The following LINGO2 variants were observed in gnomAD, a reference collection of about 807,000 sequenced individuals.
LINGO2 encodes leucine-rich repeat and immunoglobulin-like domain-containing nogo receptor-interacting protein 2.
In LINGO2, 14 loss-of-function variants were observed where a neutral mutation model predicts 30.6. The ratio of observed to expected loss-of-function variants is 0.46; its 90% CI spans 0.30 to 0.72. The LOEUF (loss-of-function observed/expected upper bound fraction) is 0.72. Among genes scored for constraint, LINGO2 ranks in the 30% least tolerant of loss-of-function variants. The pLI is 0.07. For missense variants in LINGO2, 729 were observed against 751.7 expected, an observed-to-expected ratio of 0.97 and a Z score of 0.35; for synonymous variants, 317 against 288.5, an observed-to-expected ratio of 1.10 and a Z score of -1.00.
chr9:27,954,754 C>T (rs141983543), intron 5 of LINGO2, among the ~76,000 whole-genome samples: 40 of 152,252 alleles, frequency 2.6e-4, no homozygotes, highest in African/African-American at 9.1e-4. Context: ...GTTTAATGGA[C>T]TTACAGTCCC....
the LINGO2 span, among the ~76,000 whole-genome samples, chr9:29,032,332 C>G: frequency 3.9e-5 from 6 of 152,094 alleles, no homozygotes; most frequent in Non-Finnish European, 8.8e-5. Flanking sequence ...GGAGGGTCAT[C>G]CCACCTTTCT....
At chr9:28,970,016 G>A in the LINGO2 span, among the ~76,000 whole-genome samples, 1,079 of 152,078 alleles carry the variant, frequency 7.1e-3, 10 homozygotes, top group Non-Finnish European at 0.01. Context: ...CATATACTTC[G>A]GATTTCTGAC....
chr9:28,929,656 C>T, the LINGO2 span, among the ~76,000 whole-genome samples: 3 of 152,132 alleles, frequency 2.0e-5, no homozygotes, highest in East Asian at 5.8e-4. Context: ...CATTTCTTTC[C>T]CCCATGACAT....
chr9:28,149,191 G>A, intron 4 of LINGO2: 1 of 1,256,068 alleles, frequency 8.0e-7, no homozygotes, highest in Non-Finnish European at 1.1e-6. Context: ...TGCTTAGGAG[G>A]AGAAAGAAGA....
At chr9:28,994,199 T>C in the LINGO2 span, among the ~76,000 whole-genome samples, 1 of 152,088 alleles carries the variant, frequency 6.6e-6, no homozygotes, top group African/African-American at 2.4e-5. Context: ...TGTACAAAAA[T>C]CACAAGCATT....
chr9:28,184,306 G>A (rs752367576), intron 4 of LINGO2, among the ~76,000 whole-genome samples: 18 of 152,098 alleles, frequency 1.2e-4, no homozygotes, highest in Non-Finnish European at 2.2e-4. Context: ...ATAAAGAAGT[G>A]GTACCCATTC....
intron 1 of LINGO2, among the ~76,000 whole-genome samples, chr9:28,600,912 A>C (rs114055604): frequency 0.01 from 1,573 of 152,284 alleles, 20 homozygotes; most frequent in African/African-American, 0.034. Context: ...TCCACATGGT[A>C]GATCCTAAAT....
At chr9:28,848,417 ATATATATATATACTGTATATAG>A in the LINGO2 span, among the ~76,000 whole-genome samples, 13 of 126,636 alleles carry the variant, frequency 1.0e-4, no homozygotes, top group African/African-American at 1.3e-4. Context: ...ATATATATAT[ATATATATATATACTGTATATAG>A]TATATATACC....
the LINGO2 span, among the ~76,000 whole-genome samples, chr9:29,049,412 A>T: frequency 6.6e-6 from 1 of 152,158 alleles, no homozygotes; most frequent in Non-Finnish European, 1.5e-5. Flanking sequence ...AAAAACTAAA[A>T]ATAGAGCTAC....
the LINGO2 span, among the ~76,000 whole-genome samples, chr9:28,848,901 C>G: frequency 6.6e-6 from 1 of 151,908 alleles, no homozygotes; most frequent in Admixed American, 6.6e-5. Flanking sequence ...TGTTGCAATT[C>G]TAACCCCTAA....
the LINGO2 span, among the ~76,000 whole-genome samples, chr9:28,847,819 A>G: frequency 2.7e-5 from 1 of 36,956 alleles, no homozygotes; most frequent in African/African-American, 9.2e-5. Flanking sequence ...ATGTATATAT[A>G]CATATATATG....
intron 1 of LINGO2, among the ~76,000 whole-genome samples, chr9:28,553,957 T>C (rs1210569701): frequency 6.6e-6 from 1 of 152,004 alleles, no homozygotes; most frequent in Non-Finnish European, 1.5e-5. Context: ...CTGAGAGATT[T>C]TGTCACCACC....
At chr9:27,949,160 A>G in exon 6 of LINGO2, 1 of 1,614,108 alleles carries the variant, frequency 6.2e-7, no homozygotes, top group Non-Finnish European at 8.5e-7. Context: ...AACGATCTGA[A>G]GCGAATCCTT....
the LINGO2 span, among the ~76,000 whole-genome samples, chr9:28,780,701 C>T: frequency 6.6e-6 from 1 of 152,016 alleles, no homozygotes; most frequent in African/African-American, 2.4e-5. Context: ...AAACTGTGTA[C>T]ATTTCTTTCT....
chr9:29,193,446 G>A, the LINGO2 span, among the ~76,000 whole-genome samples: 1 of 152,096 alleles, frequency 6.6e-6, no homozygotes, highest in Non-Finnish European at 1.5e-5. Context: ...TGTGCTCCTG[G>A]TACCTGGCAT....
At chr9:28,386,087 A>G (rs1207001587) in intron 2 of LINGO2, among the ~76,000 whole-genome samples, 2 of 152,182 alleles carry the variant, frequency 1.3e-5, no homozygotes, top group Non-Finnish European at 2.9e-5. Flanking sequence ...ATAACACAAC[A>G]TCGATGACTT....
the LINGO2 span, among the ~76,000 whole-genome samples, chr9:28,808,796 A>G: frequency 6.6e-6 from 1 of 152,192 alleles, no homozygotes; most frequent in Non-Finnish European, 1.5e-5. Flanking sequence ...ATGTTTTTAT[A>G]ATAAATATTT....
At chr9:28,347,356 A>G (rs1819626504) in intron 3 of LINGO2, among the ~76,000 whole-genome samples, 1 of 152,158 alleles carries the variant, frequency 6.6e-6, no homozygotes, top group African/African-American at 2.4e-5. Flanking sequence ...AAGTCATCTG[A>G]GTAAAAGGAA....
the LINGO2 span, among the ~76,000 whole-genome samples, chr9:28,869,958 A>T: frequency 6.6e-6 from 1 of 152,142 alleles, no homozygotes. Flanking sequence ...CAATGTTCAA[A>T]GCCAACGTTA....
Sources: allele counts gnomAD v4.1 joint callset (sites outside exome capture counted in the v4.1 genomes callset), GRCh38; gene constraint gnomAD v4.1.1; transcripts MANE v1.5; gene names NCBI Gene and HGNC (gene_info 2026-07-23, HGNC 2026-07-21).